Variants in ANO6 observed in about 807,000 individuals in gnomAD.
ANO6 encodes the protein anoctamin 6.
In ANO6, 106 loss-of-function variants were observed where a neutral mutation model predicts 117.5. The ratio of observed to expected loss-of-function variants is 0.90; its 90% confidence interval spans 0.77 to 1.06. The LOEUF (loss-of-function observed/expected upper bound fraction) is 1.06. Ranked by LOEUF, ANO6 falls within the 50% of genes least tolerant of loss-of-function variation. ANO6 has a pLI of 0.00. For missense variants in ANO6, 955 were observed against 1,121.1 expected (o/e 0.85, Z 2.12); for synonymous variants, 367 against 385.1 (o/e 0.95, Z 0.55).
intron 2 of ANO6, among the ~76,000 whole-genome samples, chr12:45,315,976 T>C (rs931318380): frequency 1.3e-4 from 20 of 152,102 alleles, no homozygotes; most frequent in Admixed American, 1.2e-3. Context: ...CCTGGACTCA[T>C]AGTCTTCCCA....
chr12:45,274,722 TG>T (rs1404578727), intron 1 of ANO6, among the ~76,000 whole-genome samples: 1 of 151,422 alleles, frequency 6.6e-6, no homozygotes, highest in East Asian at 1.9e-4. Context: ...CTTCTCTTCC[TG>T]CTCTGCGTGT....
chr12:45,294,043 T>A (rs1468360715), intron 1 of ANO6, among the ~76,000 whole-genome samples: 2 of 151,988 alleles, frequency 1.3e-5, no homozygotes, highest in African/African-American at 4.8e-5. Flanking sequence ...AAGAAAAATT[T>A]GAAGAAAGAG....
At chr12:45,300,507 T>C (rs924181887) in intron 1 of ANO6, among the ~76,000 whole-genome samples, 2 of 152,206 alleles carry the variant, frequency 1.3e-5, no homozygotes, top group African/African-American at 4.8e-5. Context: ...TTTATACTTA[T>C]TCCATACTCA....
intron 8 of ANO6, among the ~76,000 whole-genome samples, chr12:45,360,382 C>A (rs7136295): frequency 6.6e-6 from 1 of 151,996 alleles, no homozygotes; most frequent in African/African-American, 2.4e-5. Context: ...GAGAACTCCC[C>A]TCATCAACTC....
At chr12:45,417,505 T>G (rs1943245267) in intron 17 of ANO6, among the ~76,000 whole-genome samples, 1 of 152,176 alleles carries the variant, frequency 6.6e-6, no homozygotes, top group Non-Finnish European at 1.5e-5. Context: ...AGCAGCCTCA[T>G]GCCCTGTATG....
intron 2 of ANO6, among the ~76,000 whole-genome samples, chr12:45,321,819 G>A (rs1412248458): frequency 6.6e-6 from 1 of 152,102 alleles, no homozygotes; most frequent in Non-Finnish European, 1.5e-5. Flanking sequence ...ACTTCTGTGT[G>A]CAACAGAAAT....
chr12:45,399,211 T>A (rs1942714880), intron 12 of ANO6, among the ~76,000 whole-genome samples: 1 of 152,152 alleles, frequency 6.6e-6, no homozygotes, highest in South Asian at 2.1e-4. Flanking sequence ...TTTTTTGTTT[T>A]TTTGAGACAG....
At chr12:45,381,880 T>C (rs928799999) in intron 10 of ANO6, among the ~76,000 whole-genome samples, 1 of 152,032 alleles carries the variant, frequency 6.6e-6, no homozygotes, top group African/African-American at 2.4e-5. Context: ...AAGTTAAGAA[T>C]ATTATCATGA....
chr12:45,325,504 A>T (rs1940430067), intron 2 of ANO6, among the ~76,000 whole-genome samples: 1 of 152,146 alleles, frequency 6.6e-6, no homozygotes, highest in South Asian at 2.1e-4. Flanking sequence ...TTGTTTTATT[A>T]TATCTATCTT....
At chr12:45,266,891 G>A (rs1014962625) in intron 1 of ANO6, among the ~76,000 whole-genome samples, 14 of 150,702 alleles carry the variant, frequency 9.3e-5, no homozygotes, top group South Asian at 4.2e-4. Context: ...TAAAAATGAC[G>A]AAGTGGGAAA....
chr12:45,323,660 C>G (rs1251799043), intron 2 of ANO6, among the ~76,000 whole-genome samples: 2 of 152,094 alleles, frequency 1.3e-5, no homozygotes, highest in Non-Finnish European at 2.9e-5. Context: ...ACAAATGAGT[C>G]AGTTTAGTTT....
intron 1 of ANO6, among the ~76,000 whole-genome samples, chr12:45,224,250 A>T (rs914353681): frequency 6.6e-6 from 1 of 152,194 alleles, no homozygotes; most frequent in African/African-American, 2.4e-5. Context: ...ATGAAAAGAC[A>T]GGTGAGGGCA....
intron 17 of ANO6, among the ~76,000 whole-genome samples, chr12:45,418,943 A>G (rs73281602): frequency 0.013 from 2,017 of 152,322 alleles, 38 homozygotes; most frequent in African/African-American, 0.046. Flanking sequence ...CTATGTTTAT[A>G]TGTGTGCTTG....
chr12:45,253,068 T>C (rs1937681397), intron 1 of ANO6, among the ~76,000 whole-genome samples: 1 of 152,234 alleles, frequency 6.6e-6, no homozygotes, highest in Non-Finnish European at 1.5e-5. Context: ...ATTAAAAGCT[T>C]ACCATGTCTA....
At chr12:45,438,316 T>G (rs1047784560) in intron 19 of ANO6, among the ~76,000 whole-genome samples, 1 of 152,010 alleles carries the variant, frequency 6.6e-6, no homozygotes, top group African/African-American at 2.4e-5. Context: ...ACATATATAT[T>G]TCATTCCAAG....
intron 2 of ANO6, among the ~76,000 whole-genome samples, chr12:45,320,387 A>AT (rs1407337950): frequency 6.6e-6 from 1 of 152,136 alleles, no homozygotes; most frequent in Non-Finnish European, 1.5e-5. Context: ...CCCAGTAGTC[A>AT]TTCAGGAGCA....
rs979655179 is a variant in ANO6, at chr12:45,229,450, C to G, written c.70+13059C>G. ...TGTCGCCCAGGCTGGAGTGCAATGG[C>G]GTGATCTCAGCTCACTGCAACCTCC... is the stretch of plus-strand genomic sequence containing the variant. On this transcript the variant is annotated intron_variant, in intron 1 of 19. Transcript: ENST00000320560. Among the ~76,000 whole-genome samples, 3 of 138,136 alleles carry G rather than the reference C, an allele frequency of 2.2e-5. No individual in the cohort carries two copies. In the South Asian group the frequency reaches 7.0e-4, roughly 32 times the overall value. 90.6% of individuals were successfully genotyped at this position (138,136 alleles called of 152,430 possible).
chr12:45,395,397 A>G (rs575834568), intron 12 of ANO6, among the ~76,000 whole-genome samples: 1 of 152,190 alleles, frequency 6.6e-6, no homozygotes, highest in Non-Finnish European at 1.5e-5. Flanking sequence ...TTCACAGCCA[A>G]ATTCTACCAG....
intron 10 of ANO6, among the ~76,000 whole-genome samples, chr12:45,385,826 A>G (rs1942284159): frequency 6.6e-6 from 1 of 152,228 alleles, no homozygotes. Context: ...TTTCTACTCT[A>G]ACTTACTGGA....
Sources: gnomAD v4.1 joint callset for allele counts (sites outside exome capture counted in the v4.1 genomes callset) on GRCh38, gnomAD v4.1.1 for gene constraint, MANE v1.5 for transcripts, NCBI Gene and HGNC (gene_info 2026-07-23, HGNC 2026-07-21) for gene names.